The following OSBPL3 variants were observed in gnomAD, a reference collection of about 807,000 sequenced individuals.
OSBPL3 encodes oxysterol-binding protein-related protein 3.
Under a neutral mutation model 120.1 loss-of-function variants are expected in OSBPL3, and 65 were observed. The observed-to-expected ratio is 0.54, with a 90% CI of 0.44 to 0.67. The LOEUF is 0.67. Among genes scored for constraint, OSBPL3 ranks in the 30% least tolerant of loss-of-function variants. The probability of loss-of-function intolerance (pLI) is 0.00; values close to 1 mark genes in which losing one functional copy is unlikely to be tolerated. For synonymous variants in OSBPL3, 416 were observed against 402.6 expected (o/e 1.03, Z -0.40); for missense variants, 1,004 against 1,082.1 (o/e 0.93, Z 1.01).
intron 22 of OSBPL3, among the ~76,000 whole-genome samples, chr7:24,801,155 C>T (rs1358568898): frequency 1.4e-5 from 2 of 146,642 alleles, no homozygotes; most frequent in East Asian, 2.1e-4. Flanking sequence ...GCAGGAGAAT[C>T]GCTTGGAACT....
chr7:24,865,956 C>T, intron 6 of OSBPL3, 114 bp downstream of exon 6: 1 of 776,584 alleles, frequency 1.3e-6, no homozygotes, highest in Non-Finnish European at 2.2e-6. Flanking sequence ...CAGCCCAAGC[C>T]TACCCTGCTT....
In OSBPL3 at chr7:24,813,792, T is replaced by C. The variant is rs1410474414; in HGVS notation, c.2172+1267A>G. Among the ~76,000 whole-genome samples the C allele has an allele frequency of 6.6e-6, 1 of 152,198 alleles. No homozygotes were observed. Among genetic ancestry groups the C allele is most frequent in the African/African-American group, 2.4e-5 (1 of 41,454 alleles). On this transcript the variant is annotated intron_variant, in intron 19 of 22. Coordinates refer to ENST00000313367, the MANE Select transcript of OSBPL3 (RefSeq NM_015550.4). The surrounding 1 kb of genome is among the most constrained non-coding windows in gnomAD (Gnocchi z 4.5). The stretch of plus-strand genomic sequence containing the variant: ...GGTCATGTTTTAAAGCTGTTTTAAC[T>C]ACATACAATTTTTAAGAGCAAGAAG...
chr7:24,934,794 G>C (rs146120849), intron 1 of OSBPL3, among the ~76,000 whole-genome samples: 1 of 152,264 alleles, frequency 6.6e-6, no homozygotes, highest in East Asian at 1.9e-4. Flanking sequence ...CTGTTCCTTG[G>C]CTTGGGATTC....
intron 1 of OSBPL3, among the ~76,000 whole-genome samples, chr7:24,975,017 G>A (rs1748901703): frequency 6.6e-6 from 1 of 152,168 alleles, no homozygotes; most frequent in African/African-American, 2.4e-5. Flanking sequence ...AATGGTGAGT[G>A]GTGAGCTATG....
chr7:24,800,259 C>T lies in OSBPL3; in HGVS notation c.2588G>A (p.Trp863Ter). 6.2e-7 allele frequency: 1 copy of T among 1,610,328 alleles called. No homozygotes were observed. Residue 863 changes from tryptophan (W) to a stop codon, truncating the protein, a stop_gained, in exon 23 of 23, where the codon TGG becomes TAG. Coordinates refer to ENST00000313367, the MANE Select transcript of OSBPL3 (RefSeq NM_015550.4). LOFTEE classifies it high-confidence loss of function. ...TTCCAAATAGGTGCCGTTGCTCACC[C>T]AAGAGTCATCGTCGGATTTCCTGTG... is the stretch of plus-strand genomic sequence containing the variant. ...RFFRKSDDDS[W>*]VSNGTYLELR...
intron 19 of OSBPL3, among the ~76,000 whole-genome samples, chr7:24,814,638 T>G (rs1033684059): frequency 6.6e-6 from 1 of 152,040 alleles, no homozygotes; most frequent in African/African-American, 2.4e-5. Context: ...CAACACTAAT[T>G]CCCCCTTCCT....
At position 24,933,029 on chromosome 7, in the gene OSBPL3, C is replaced by T. The variant is rs545337382; in HGVS notation, c.-149-40408G>A. 1.3e-5 allele frequency among the ~76,000 whole-genome samples: 2 copies of T among 152,204 alleles called. No individual in the cohort carries two copies. Among genetic ancestry groups the T allele is most frequent in the African/African-American group, 4.8e-5 (2 of 41,448 alleles). ...GCTGCTGCACCAACTCCAGTCTTCA[C>T]GGTTCACAGGAGGAGAATGGAAGGG... On this transcript the variant is annotated intron_variant, in intron 1 of 22. Coordinates refer to ENST00000313367, the MANE Select transcript of OSBPL3 (RefSeq NM_015550.4). The surrounding 1 kb of genome is among the most constrained non-coding windows in gnomAD (Gnocchi z 5.1).
Position 24,912,201 on chromosome 7 carries a change from A to C in OSBPL3, c.-149-19580T>G, listed in dbSNP as rs1475231600. 1.3e-5 allele frequency among the ~76,000 whole-genome samples: 2 copies of C among 152,232 alleles called. No homozygotes were observed. The highest frequency in any genetic ancestry group is 4.8e-5 in the African/African-American group (2 of 41,450). ...CAAGTATCCATTTATCAAACTTTAA[A>C]AATTTGTGGAAAGATAGATCCTAAT... On this transcript the variant is annotated intron_variant, in intron 1 of 22. Coordinates refer to ENST00000313367, the MANE Select transcript of OSBPL3 (RefSeq NM_015550.4). The surrounding 1 kb of genome is among the most constrained non-coding windows in gnomAD (Gnocchi z 4.5).
In OSBPL3 at chr7:24,852,400, G is replaced by T; in HGVS notation, c.1158+104C>A. The T allele has an allele frequency of 2.0e-6, 2 of 997,540 alleles. No individual in the cohort carries two copies. Among genetic ancestry groups the T allele is most frequent in the South Asian group, 2.8e-5 (1 of 35,636 alleles). The allele number at this position is 997,540 out of a possible 1,614,324, so 61.8% of individuals were successfully genotyped here. A position where few individuals can be genotyped will look rare whatever the true frequency, so the allele number is the denominator to read the frequency against. On this transcript the variant is annotated intron_variant, in intron 11 of 22. Transcript: ENST00000313367. The surrounding 1 kb of genome is among the most constrained non-coding windows in gnomAD (Gnocchi z 4.1). Reference sequence around the variant, plus strand: ...GGTTAGAATATAATTTGGATAATTTGGTTTTCTCCTGAATTTTCAACATAA... The same window carrying T: ...GGTTAGAATATAATTTGGATAATTTTGTTTTCTCCTGAATTTTCAACATAA...
chr7:24,861,829 T>C (rs1464587508), intron 9 of OSBPL3, 60 bp from the exon 10 acceptor site: 2 of 1,181,980 alleles, frequency 1.7e-6, no homozygotes, highest in Admixed American at 4.8e-5. Flanking sequence ...GAATATTTAC[T>C]TGATTCTAAG....
chr7:24,860,529 A>G (rs1477591877), intron 10 of OSBPL3, among the ~76,000 whole-genome samples: 1 of 152,178 alleles, frequency 6.6e-6, no homozygotes, highest in African/African-American at 2.4e-5. Context: ...GCCACCATGT[A>G]AGACATGCTT....
At chr7:24,901,290 T>TGCAG (rs1806982370) in intron 1 of OSBPL3, among the ~76,000 whole-genome samples, 1 of 151,732 alleles carries the variant, frequency 6.6e-6, no homozygotes, top group South Asian at 2.1e-4. Context: ...TACTCCAGCC[T>TGCAG]GCAGTGAGCC....
At chr7:24,954,357 A>G (rs1412676984) in intron 1 of OSBPL3, among the ~76,000 whole-genome samples, 1 of 152,234 alleles carries the variant, frequency 6.6e-6, no homozygotes, top group Non-Finnish European at 1.5e-5. Flanking sequence ...GTAAGGTATC[A>G]GACCAAAATA....
upstream of OSBPL3, chr7:24,980,226 A>G: frequency 5.1e-6 from 1 of 195,086 alleles, no homozygotes; most frequent in Non-Finnish European, 9.3e-6. Flanking sequence ...CAAGGGCGGG[A>G]GCGCAGGGGA....
chr7:24,818,664 A>G lies in OSBPL3; in HGVS notation c.1948+1511T>C, dbSNP rs73290284. On this transcript the variant is annotated intron_variant, in intron 17 of 22. Coordinates refer to ENST00000313367, the MANE Select transcript of OSBPL3 (RefSeq NM_015550.4). This position sits in a 1 kb window ranked among gnomAD's most constrained non-coding sequence, Gnocchi z 4.0. ...GGCAGAGAAAGAGGAAACGGAGAAC[A>G]AAGAACAGATGTGACAAACAGAAAA... Among the ~76,000 whole-genome samples, 45 of 152,362 alleles carry G rather than the reference A, an allele frequency of 3.0e-4. No individual in the cohort carries two copies. The highest frequency in any genetic ancestry group is 1.0e-3 in the African/African-American group (42 of 41,592).
At position 24,861,595 on chromosome 7, in the gene OSBPL3, G is replaced by A. The variant is rs763850375; in HGVS notation, c.1027+18C>T. The A allele has an allele frequency of 1.9e-6, 3 of 1,551,464 alleles. No individual in the cohort carries two copies. The highest frequency in any genetic ancestry group is 2.6e-6 in the Non-Finnish European group (3 of 1,143,082). ...ACATTTTCATCAAACACATTAGGAA[G>A]AAAGAAAACTCATTTACCTTTATGG... is the stretch of plus-strand genomic sequence containing the variant. On this transcript the variant is annotated intron_variant, in intron 10 of 22. Coordinates refer to ENST00000313367, the MANE Select transcript of OSBPL3 (RefSeq NM_015550.4).
In OSBPL3 at chr7:24,965,688, G is replaced by A. The variant is rs562064764; in HGVS notation, c.-150+14198C>T. On this transcript the variant is annotated intron_variant, in intron 1 of 22. Transcript: ENST00000313367. This position sits in a 1 kb window ranked among gnomAD's most constrained non-coding sequence, Gnocchi z 4.3. ...ACTAAATCAGAAACTGTGGGGGTGG[G>A]GCCCAGCAATCTGTTTTATTAAATA... Among the ~76,000 whole-genome samples the A allele has an allele frequency of 6.6e-6, 1 of 152,186 alleles. No homozygotes were observed. The highest frequency in any genetic ancestry group is 2.4e-5 in the African/African-American group (1 of 41,522).
In OSBPL3 at chr7:24,830,751, A is replaced by G; in HGVS notation, c.1884+17T>C. 6.3e-7 allele frequency: 1 copy of G among 1,590,080 alleles called. No homozygotes were observed. On this transcript the variant is annotated intron_variant, in intron 16 of 22. Coordinates refer to ENST00000313367, the MANE Select transcript of OSBPL3 (RefSeq NM_015550.4). This position sits in a 1 kb window ranked among gnomAD's most constrained non-coding sequence, Gnocchi z 4.4. ...TAAGCAACCCCTCCCAACAAGCAAAAAATGGTGTACATCTACCTGTTCTGA... is the reference window on the plus strand; with the variant it reads ...TAAGCAACCCCTCCCAACAAGCAAAGAATGGTGTACATCTACCTGTTCTGA...
At chr7:24,816,276 C>G (rs560962536) in intron 18 of OSBPL3, among the ~76,000 whole-genome samples, 148 of 152,272 alleles carry the variant, frequency 9.7e-4, no homozygotes, top group Non-Finnish European at 1.6e-3. Flanking sequence ...AATCTGCCCG[C>G]CTTGGCCTCC....
Sources: allele counts gnomAD v4.1 joint callset (sites outside exome capture counted in the v4.1 genomes callset), GRCh38; gene constraint gnomAD v4.1.1; non-coding constraint Gnocchi (gnomAD v3.1); transcripts MANE v1.5; gene names NCBI Gene and HGNC (gene_info 2026-07-23, HGNC 2026-07-21).